Variants in ZC3H12B observed in about 807,000 individuals in gnomAD.
The protein encoded by ZC3H12B is probable ribonuclease ZC3H12B.
A neutral mutation model predicts 43.9 loss-of-function variants in ZC3H12B; 7 were observed. The observed-to-expected ratio is 0.16, with a 90% confidence interval of 0.09 to 0.30. The LOEUF is 0.30. Among genes scored for constraint, ZC3H12B ranks in the 10% least tolerant of loss-of-function variants. ZC3H12B has a pLI of 1.00. For synonymous variants in ZC3H12B, 222 were observed against 241.7 expected, an observed-to-expected ratio of 0.92 and a Z score of 0.76; for missense variants, 475 against 670.2, an observed-to-expected ratio of 0.71 and a Z score of 3.22.
the ZC3H12B span, among the ~76,000 whole-genome samples, chrX:65,230,725 A>G: frequency 4.5e-5 from 5 of 111,162 alleles, no homozygotes; most frequent in African/African-American, 1.6e-4. Context: ...ATTTCCCCAG[A>G]CAAACAAAAC....
At chrX:65,493,182 G>A (rs2068229087) in intron 1 of ZC3H12B, among the ~76,000 whole-genome samples, 1 of 108,942 alleles carries the variant, frequency 9.2e-6, no homozygotes, top group South Asian at 4.0e-4. Context: ...TGAGGCAGGA[G>A]GATCACTTGA....
chrX:65,395,480 G>A lies in ZC3H12B; in HGVS notation n.296-3113G>A, dbSNP rs375262009. ...TTGAGATAATTATGTGGTTTTTGTCGCTGGCTTTGTTTATGTGATGGAGTA... is the reference window on the plus strand; with the variant it reads ...TTGAGATAATTATGTGGTTTTTGTCACTGGCTTTGTTTATGTGATGGAGTA... On this transcript the variant is annotated intron_variant and non_coding_transcript_variant, in intron 2 of 5. Coordinates refer to the ZC3H12B transcript ENST00000617377. 1.1e-3 allele frequency among the ~76,000 whole-genome samples: 128 copies of A among 112,286 alleles called. 1 individual carries two copies. Among genetic ancestry groups the A allele is most frequent in the South Asian group, 4.1e-3 (11 of 2,709 alleles).
chrX:65,113,966 C>A, the ZC3H12B span, among the ~76,000 whole-genome samples: 1 of 75,120 alleles, frequency 1.3e-5, no homozygotes, highest in African/African-American at 4.1e-5. Context: ...ACTGAAACCG[C>A]AATATCTGAG....
the ZC3H12B span, among the ~76,000 whole-genome samples, chrX:65,211,073 A>T: frequency 1.2e-5 from 1 of 84,666 alleles, no homozygotes; most frequent in East Asian, 3.0e-4. Context: ...AGTATAATAA[A>T]AAAAAAAAAA....
intron 3 of ZC3H12B, among the ~76,000 whole-genome samples, chrX:65,456,610 C>T (rs1489519545): frequency 1.9e-5 from 2 of 105,517 alleles, no homozygotes; most frequent in Admixed American, 1.0e-4. Flanking sequence ...GACTGGTTTT[C>T]GTTTTTTTTT....
At chrX:65,264,885 C>A in the ZC3H12B span, among the ~76,000 whole-genome samples, 1 of 110,887 alleles carries the variant, frequency 9.0e-6, no homozygotes, top group Non-Finnish European at 1.9e-5. Context: ...TCAAGGAGAC[C>A]CCCAAATAAA....
chrX:65,385,741 T>A (rs756063638), intron 2 of ZC3H12B, among the ~76,000 whole-genome samples: 4 of 112,090 alleles, frequency 3.6e-5, no homozygotes, highest in Admixed American at 9.5e-5. Context: ...AAGGGAATGC[T>A]TCCAGTTTTT....
intron 3 of ZC3H12B, among the ~76,000 whole-genome samples, chrX:65,440,012 C>T (rs527301769): frequency 3.6e-5 from 4 of 111,785 alleles, no homozygotes; most frequent in African/African-American, 1.3e-4. Flanking sequence ...ATTATTTTAC[C>T]TATTTCCCAA....
At chrX:65,070,632 G>T in the ZC3H12B span, among the ~76,000 whole-genome samples, 1 of 110,403 alleles carries the variant, frequency 9.1e-6, no homozygotes, top group South Asian at 3.8e-4. Context: ...GGTTTGTTGT[G>T]TCTTTGTTCT....
At chrX:65,136,368 G>T in the ZC3H12B span, among the ~76,000 whole-genome samples, 1 of 111,048 alleles carries the variant, frequency 9.0e-6, no homozygotes, top group South Asian at 3.8e-4. Context: ...TTTGGTGGGA[G>T]AGGTTTATTA....
chrX:65,489,421 A>G lies in ZC3H12B; in HGVS notation c.608+12A>G, dbSNP rs1259847278. 2.6e-6 allele frequency: 3 copies of G among 1,162,939 alleles called. No individual in the cohort carries two copies. The highest frequency in any genetic ancestry group is 3.4e-6 in the Non-Finnish European group (3 of 874,597). ...AATGTGGCAATGAGGTAAGCCTGGT[A>G]TGTTTTTTTCTCCCATTTTAAAAAA... On this transcript the variant is annotated intron_variant, in intron 1 of 4. Coordinates refer to ENST00000338957, the Ensembl canonical transcript of ZC3H12B.
the ZC3H12B span, among the ~76,000 whole-genome samples, chrX:65,146,684 A>G: frequency 9.0e-6 from 1 of 110,895 alleles, no homozygotes; most frequent in Non-Finnish European, 1.9e-5. Context: ...CCCTTTTTGT[A>G]TTGATGTGGC....
the ZC3H12B span, among the ~76,000 whole-genome samples, chrX:65,167,673 G>C: frequency 8.9e-6 from 1 of 112,004 alleles, no homozygotes; most frequent in African/African-American, 3.2e-5. Flanking sequence ...TACTATCCAT[G>C]AGCATGGGAT....
the ZC3H12B span, among the ~76,000 whole-genome samples, chrX:65,115,360 A>G: frequency 9.0e-6 from 1 of 110,700 alleles, no homozygotes; most frequent in African/African-American, 3.3e-5. Flanking sequence ...ACTTCCATGC[A>G]GGTTGCTGTG....
At chrX:65,212,125 A>AAT in the ZC3H12B span, among the ~76,000 whole-genome samples, 3 of 57,577 alleles carry the variant, frequency 5.2e-5, no homozygotes, top group African/African-American at 2.2e-4. Context: ...TATAGTATAT[A>AAT]ATATACTATA....
chrX:65,201,067 G>C, the ZC3H12B span, among the ~76,000 whole-genome samples: 1 of 111,909 alleles, frequency 8.9e-6, no homozygotes, highest in East Asian at 2.8e-4. Context: ...ATGAGTAAGG[G>C]GGGAGTCCCT....
chrX:65,232,643 A>T, the ZC3H12B span, among the ~76,000 whole-genome samples: 14,787 of 111,297 alleles, frequency 0.13, 2,369 homozygotes, highest in African/African-American at 0.45. Flanking sequence ...TACCAGAGAA[A>T]ATCACTTATA....
chrX:65,163,483 C>A, the ZC3H12B span, among the ~76,000 whole-genome samples: 1 of 111,398 alleles, frequency 9.0e-6, no homozygotes, highest in African/African-American at 3.3e-5. Context: ...GACATGCACC[C>A]CTCCCCCAGC....
chrX:65,214,822 C>G, the ZC3H12B span, among the ~76,000 whole-genome samples: 1 of 111,674 alleles, frequency 9.0e-6, no homozygotes, highest in South Asian at 3.7e-4. Context: ...CTGTCTCTGA[C>G]AGCTATAGCT....
Sources: gnomAD v4.1 joint callset for allele counts (sites outside exome capture counted in the v4.1 genomes callset) on GRCh38, gnomAD v4.1.1 for gene constraint, MANE v1.5 for transcripts, NCBI Gene and HGNC (gene_info 2026-07-23, HGNC 2026-07-21) for gene names.